The following NOS1AP variants were observed in gnomAD, a reference collection of about 807,000 sequenced individuals.
NOS1AP encodes the protein carboxyl-terminal PDZ ligand of neuronal nitric oxide synthase protein.
NOS1AP carries 21 observed loss-of-function variants against 56.2 expected under a neutral mutation model. That is an observed-to-expected ratio of 0.37 (90% CI 0.26 to 0.54). The LOEUF is 0.54. NOS1AP is among the 20% of genes least tolerant of loss of function. The pLI, the probability that NOS1AP is intolerant of heterozygous loss-of-function variation, is 0.84. For synonymous variants in NOS1AP, 270 were observed against 274.6 expected, an observed-to-expected ratio of 0.98 and a Z score of 0.17; for missense variants, 522 against 657.8, an observed-to-expected ratio of 0.79 and a Z score of 2.26.
intron 1 of NOS1AP, among the ~76,000 whole-genome samples, chr1:162,078,544 C>T (rs1691821936): frequency 6.6e-6 from 1 of 152,080 alleles, no homozygotes; most frequent in Non-Finnish European, 1.5e-5. Flanking sequence ...TTCAGATGCT[C>T]CACCCCCTCC....
At position 162,221,532 on chromosome 1, in the gene NOS1AP, G is replaced by GCACACA. The variant is rs764354269; in HGVS notation, c.178-65811_178-65810insACACAC. On this transcript the variant is annotated intron_variant, in intron 2 of 9. Transcript: ENST00000361897. Reference sequence around the variant, plus strand: ...GCAACACACACACGCACACACACGCGCGCACACACACACACACACACACAC... The same window carrying GCACACA: ...GCAACACACACACGCACACACACGCGCACACACGCACACACACACACACACACACAC... Among the ~76,000 whole-genome samples the GCACACA allele has an allele frequency of 3.2e-3, 422 of 132,808 alleles. 1 individual carries two copies. The highest frequency in any genetic ancestry group is 0.013 in the African/African-American group (402 of 30,542). 87.1% of individuals were successfully genotyped at this position (132,808 alleles called of 152,430 possible).
At chr1:162,284,074 G>A (rs1390634796) in intron 2 of NOS1AP, among the ~76,000 whole-genome samples, 1 of 152,166 alleles carries the variant, frequency 6.6e-6, no homozygotes, top group South Asian at 2.1e-4. Flanking sequence ...GAGCAGCACC[G>A]TCAGTTTGGG....
In NOS1AP at chr1:162,236,493, G is replaced by A. The variant is rs189820616; in HGVS notation, c.178-50851G>A. ...AGGGATACCCAGAGAGTAACTAGCG[G>A]ACATGTCTTTCTACTCCCGTCCATC... is the stretch of plus-strand genomic sequence containing the variant. On this transcript the variant is annotated intron_variant, in intron 2 of 9. Coordinates refer to ENST00000361897, the MANE Select transcript of NOS1AP (RefSeq NM_014697.3). 3.4e-4 allele frequency among the ~76,000 whole-genome samples: 52 copies of A among 152,292 alleles called. No individual in the cohort carries two copies. In the East Asian group the frequency reaches 4.4e-3, roughly 13 times the overall value.
intron 1 of NOS1AP, among the ~76,000 whole-genome samples, chr1:162,123,512 TAAAC>T (rs1434331970): frequency 2.0e-5 from 3 of 152,356 alleles, no homozygotes; most frequent in African/African-American, 4.8e-5. Context: ...ACCCTATATG[TAAAC>T]AAACTTTAAA....
At chr1:162,071,987 G>A (rs996722960) in intron 1 of NOS1AP, among the ~76,000 whole-genome samples, 1 of 152,040 alleles carries the variant, frequency 6.6e-6, no homozygotes, top group Non-Finnish European at 1.5e-5. Context: ...CTGAGCCCAG[G>A]AGTTAGAGAC....
chr1:162,098,102 C>CTTTTTTTT lies in NOS1AP; in HGVS notation c.105+27835_105+27842dup, dbSNP rs35307081. Among the ~76,000 whole-genome samples, 140 of 80,604 alleles carry CTTTTTTTT rather than the reference C, an allele frequency of 1.7e-3. 1 individual carries two copies. The highest frequency in any genetic ancestry group is 2.2e-3 in the African/African-American group (43 of 19,672). The allele number at this position is 80,604 out of a possible 152,430, so 52.9% of individuals were successfully genotyped here. A position where few individuals can be genotyped will look rare whatever the true frequency, so the allele number is the denominator to read the frequency against. On this transcript the variant is annotated intron_variant, in intron 1 of 9. Coordinates refer to ENST00000361897, the MANE Select transcript of NOS1AP (RefSeq NM_014697.3). ...TTATAATAGTTTCTTCTCTCTTTTG[C>CTTTTTTTT]TTTTTTTTTTTTTTTTTTTTTTGAG...
chr1:162,156,382 A>G (rs1649975280), intron 2 of NOS1AP, among the ~76,000 whole-genome samples: 1 of 152,074 alleles, frequency 6.6e-6, no homozygotes, highest in Non-Finnish European at 1.5e-5. Flanking sequence ...GCATTTCTTC[A>G]CTCAGTCTCA....
rs113765579 is a variant in NOS1AP, at chr1:162,162,119, C to T, written c.177+7643C>T. Reference sequence around the variant, plus strand: ...GCCTGTTCTGGACTGTTGGAAGGGCCGTTGTCTGCCTGAGCACTGTCATTT... The same window carrying T: ...GCCTGTTCTGGACTGTTGGAAGGGCTGTTGTCTGCCTGAGCACTGTCATTT... On this transcript the variant is annotated intron_variant, in intron 2 of 9. Coordinates refer to ENST00000361897, the MANE Select transcript of NOS1AP (RefSeq NM_014697.3). Among the ~76,000 whole-genome samples the T allele has an allele frequency of 4.7e-3, 720 of 152,258 alleles. 6 individuals carry two copies. Among genetic ancestry groups the T allele is most frequent in the African/African-American group, 0.016 (670 of 41,538 alleles).
chr1:162,283,362 C>A (rs959038336), intron 2 of NOS1AP, among the ~76,000 whole-genome samples: 1 of 151,980 alleles, frequency 6.6e-6, no homozygotes, highest in African/African-American at 2.4e-5. Flanking sequence ...GCTGGCTGGT[C>A]CCTTCATGAG....
intron 1 of NOS1AP, among the ~76,000 whole-genome samples, chr1:162,086,131 A>C (rs1691996100): frequency 6.6e-6 from 1 of 152,070 alleles, no homozygotes; most frequent in South Asian, 2.1e-4. Context: ...ATTTTCCTGG[A>C]CCCAGAACAA....
intron 2 of NOS1AP, among the ~76,000 whole-genome samples, chr1:162,187,368 G>A (rs1290333915): frequency 6.6e-5 from 10 of 152,098 alleles, no homozygotes; most frequent in Non-Finnish European, 4.4e-5. Context: ...TAATGGCTGA[G>A]TATAGTTACA....
chr1:162,183,823 G>T (rs1591616), intron 2 of NOS1AP, among the ~76,000 whole-genome samples: 150,057 of 152,390 alleles, frequency 0.98, 73,928 homozygotes, highest in East Asian at 1. Context: ...GGTTTGATTT[G>T]TCTATCTAGA....
chr1:162,170,201 G>C (rs1195504674), intron 2 of NOS1AP, among the ~76,000 whole-genome samples: 2 of 152,220 alleles, frequency 1.3e-5, no homozygotes, highest in Admixed American at 1.3e-4. Flanking sequence ...GAAGGATACA[G>C]CTCAGTGCTT....
At chr1:162,268,313 TC>T (rs56294486) in intron 2 of NOS1AP, among the ~76,000 whole-genome samples, 123,669 of 145,212 alleles carry the variant, frequency 0.85, 51,127 homozygotes, top group African/African-American at 0.91. Context: ...GCCCTGTAGC[TC>T]CCCCCCCCTA....
At chr1:162,123,685 A>G (rs978111080) in intron 1 of NOS1AP, among the ~76,000 whole-genome samples, 1 of 152,188 alleles carries the variant, frequency 6.6e-6, no homozygotes, top group South Asian at 2.1e-4. Context: ...TTTCAAACAC[A>G]GAGGAAAATT....
At chr1:162,177,958 A>G (rs1000568313) in intron 2 of NOS1AP, among the ~76,000 whole-genome samples, 67 of 152,312 alleles carry the variant, frequency 4.4e-4, no homozygotes, top group African/African-American at 1.5e-3. Context: ...TTTCATACAG[A>G]ATAGTTTCAC....
rs1412901887 is a variant in NOS1AP at position 162,155,233 on chromosome 1, TATAC to T, written c.177+761_177+764del. ...AGTGTGAAGCCTTTATACATATATA[TATAC>T]ATATACATATACACATACATATATA... On this transcript the variant is annotated intron_variant, in intron 2 of 9. Coordinates refer to ENST00000361897, the MANE Select transcript of NOS1AP (RefSeq NM_014697.3). 1.1e-3 allele frequency among the ~76,000 whole-genome samples: 20 copies of T among 17,646 alleles called. No homozygotes were observed. The East Asian group carries it at 0.03, about 27-fold the overall frequency. 11.6% of individuals were successfully genotyped at this position (17,646 alleles called of 152,430 possible).
intron 1 of NOS1AP, among the ~76,000 whole-genome samples, chr1:162,073,011 A>T (rs16849363): frequency 6.6e-6 from 1 of 152,166 alleles, no homozygotes; most frequent in African/African-American, 2.4e-5. Flanking sequence ...TTCCTTTGGA[A>T]GTATGCCACT....
intron 3 of NOS1AP, among the ~76,000 whole-genome samples, chr1:162,288,192 G>T (rs1264619037): frequency 6.6e-6 from 1 of 152,208 alleles, no homozygotes; most frequent in African/African-American, 2.4e-5. Flanking sequence ...AAAAGAGCTT[G>T]GCTGATTGAG....
Sources: gnomAD v4.1 joint callset for allele counts (sites outside exome capture counted in the v4.1 genomes callset) on GRCh38, gnomAD v4.1.1 for gene constraint, MANE v1.5 for transcripts, NCBI Gene and HGNC (gene_info 2026-07-23, HGNC 2026-07-21) for gene names.